Variants in SEMA6A observed in about 807,000 individuals in gnomAD.
SEMA6A encodes the protein semaphorin 6A, also known as semaphorin-6A.
A neutral mutation model predicts 96.8 loss-of-function variants in SEMA6A; 25 were observed. That is an observed-to-expected ratio of 0.26 (90% CI 0.19 to 0.36). The LOEUF (loss-of-function observed/expected upper bound fraction) is 0.36, where lower values mean the gene tolerates loss of function less well. SEMA6A is among the 10% of genes least tolerant of loss of function. SEMA6A has a pLI of 1.00. For missense variants in SEMA6A, 1,363 were observed against 1,323.1 expected (o/e 1.03, Z -0.47); for synonymous variants, 612 against 518.0 (o/e 1.18, Z -2.46).
intron 16 of SEMA6A, among the ~76,000 whole-genome samples, chr5:116,473,885 C>G (rs1168970817): frequency 6.6e-6 from 1 of 152,156 alleles, no homozygotes; most frequent in Admixed American, 6.5e-5. Flanking sequence ...AGCAAGCACC[C>G]TTGGCAAGTG....
chr5:116,546,683 T>C (rs1440038117), intron 1 of SEMA6A, among the ~76,000 whole-genome samples: 2 of 152,172 alleles, frequency 1.3e-5, no homozygotes, highest in African/African-American at 4.8e-5. Flanking sequence ...GGGAGTTCTT[T>C]TGTGCAGCCA....
At chr5:116,526,288 C>G (rs548241845) in intron 1 of SEMA6A, among the ~76,000 whole-genome samples, 47 of 152,306 alleles carry the variant, frequency 3.1e-4, no homozygotes, top group African/African-American at 1.1e-3. Context: ...TTAAGACACT[C>G]TTCAAACATC....
chr5:116,513,224 T>G (rs192540499), intron 1 of SEMA6A, among the ~76,000 whole-genome samples: 1 of 152,012 alleles, frequency 6.6e-6, no homozygotes, highest in Non-Finnish European at 1.5e-5. Context: ...GCCTCCCAGG[T>G]TCAAGTGATT....
chr5:116,447,854 C>T, intron 18 of SEMA6A, 43 bp from the exon 19 acceptor site: 2 of 1,472,760 alleles, frequency 1.4e-6, no homozygotes, highest in Non-Finnish European at 9.1e-7. Flanking sequence ...TGAAAGCACA[C>T]CCCGAGGCTT....
chr5:116,484,636 TAATA>T (rs984943337), intron 10 of SEMA6A, among the ~76,000 whole-genome samples: 4 of 112,690 alleles, frequency 3.5e-5, no homozygotes, highest in Non-Finnish European at 6.0e-5. Flanking sequence ...AAAAAAAAAA[TAATA>T]ATAATAATAA....
intron 12 of SEMA6A, among the ~76,000 whole-genome samples, chr5:116,478,922 G>A (rs971721740): frequency 9.7e-6 from 1 of 103,016 alleles, no homozygotes; most frequent in African/African-American, 3.6e-5. Context: ...GGAAGGAGGT[G>A]TGAGAGAGTG....
intron 1 of SEMA6A, among the ~76,000 whole-genome samples, chr5:116,546,910 G>C (rs1309795666): frequency 6.6e-6 from 1 of 152,118 alleles, no homozygotes; most frequent in Non-Finnish European, 1.5e-5. Context: ...GCAAACACAG[G>C]CTTCAGCCTG....
chr5:116,563,592 G>A (rs1332124359), intron 1 of SEMA6A, among the ~76,000 whole-genome samples: 1 of 152,146 alleles, frequency 6.6e-6, no homozygotes, highest in Non-Finnish European at 1.5e-5. Context: ...GTATTTGACT[G>A]ACATCTACAC....
intron 18 of SEMA6A, among the ~76,000 whole-genome samples, chr5:116,465,980 C>T (rs1232341896): frequency 3.4e-5 from 5 of 148,776 alleles, no homozygotes; most frequent in Non-Finnish European, 7.4e-5. Context: ...GACAGTTTCT[C>T]TTCTACCTGG....
chr5:116,486,735 T>C lies in SEMA6A; in HGVS notation c.962+14A>G, dbSNP rs771336903. ...GAAGAATTGATGAGGTCAACACAGC[T>C]AGGGCATGATTACCTGTTATAAGGT... On this transcript the variant is annotated intron_variant, in intron 10 of 18. Coordinates refer to ENST00000343348, the MANE Select transcript of SEMA6A (RefSeq NM_020796.5). The C allele has an allele frequency of 1.2e-6, 2 of 1,607,358 alleles. No homozygotes were observed. Among genetic ancestry groups the C allele is most frequent in the South Asian group, 2.2e-5 (2 of 90,930 alleles).
At chr5:116,562,050 T>A (rs1352295956) in intron 1 of SEMA6A, among the ~76,000 whole-genome samples, 1 of 152,180 alleles carries the variant, frequency 6.6e-6, no homozygotes, top group African/African-American at 2.4e-5. Flanking sequence ...ACTTTTGACA[T>A]CTCCTCCTTG....
intron 1 of SEMA6A, among the ~76,000 whole-genome samples, chr5:116,514,204 C>G (rs911521329): frequency 1.3e-4 from 20 of 152,234 alleles, no homozygotes; most frequent in African/African-American, 4.6e-4. Context: ...TGAGCAATCA[C>G]TACACTGTCT....
intron 18 of SEMA6A, among the ~76,000 whole-genome samples, chr5:116,460,563 T>C (rs1356365441): frequency 6.6e-6 from 1 of 152,174 alleles, no homozygotes; most frequent in African/African-American, 2.4e-5. Flanking sequence ...GTTAAAAGTA[T>C]GTCCTATGCA....
At chr5:116,541,048 A>T (rs182375799) in intron 1 of SEMA6A, among the ~76,000 whole-genome samples, 17 of 152,324 alleles carry the variant, frequency 1.1e-4, no homozygotes, top group Admixed American at 9.8e-4. Context: ...ACTTGATACT[A>T]TTTGGAAGAA....
chr5:116,529,846 G>A (rs1028017756), intron 1 of SEMA6A, among the ~76,000 whole-genome samples: 4 of 152,176 alleles, frequency 2.6e-5, no homozygotes, highest in African/African-American at 4.8e-5. Context: ...GCTTGAGGGC[G>A]GGTTGGGGGA....
Position 116,501,893 on chromosome 5 carries a change from C to A in SEMA6A, c.218+317G>T, listed in dbSNP as rs76229030. 3.1e-3 allele frequency among the ~76,000 whole-genome samples: 477 copies of A among 152,130 alleles called. 1 individual carries two copies. The highest frequency in any genetic ancestry group is 0.01 in the African/African-American group (431 of 41,484). On this transcript the variant is annotated intron_variant, in intron 3 of 18. Transcript: ENST00000343348. ...CAAAGAACGAAAACTCCATCTCAAA[C>A]AAACAAACAGAGTATTAAGGAGCAG...
intron 1 of SEMA6A, among the ~76,000 whole-genome samples, chr5:116,567,992 A>G (rs1761079160): frequency 6.6e-6 from 1 of 152,230 alleles, no homozygotes; most frequent in South Asian, 2.1e-4. Flanking sequence ...TAGGTGTTCT[A>G]ATTAATAAAG....
At position 116,447,716 on chromosome 5, in the gene SEMA6A, C is replaced by T. The variant is rs375184771; in HGVS notation, c.1990G>A (p.Val664Ile). 1.2e-4 allele frequency: 199 copies of T among 1,613,908 alleles called. 2 individuals are homozygous for T. Among genetic ancestry groups the T allele is most frequent in the Non-Finnish European group, 1.6e-4 (191 of 1,179,826 alleles). Residue 664 changes from valine (V) to isoleucine (I), a missense_variant, in exon 19 of 19, where the codon GTC becomes ATC. By Grantham distance (29) the Val-to-Ile change is conservative. Coordinates refer to ENST00000343348, the MANE Select transcript of SEMA6A (RefSeq NM_020796.5). ...CAGTAGACGGTGATGCCCGAGAAGACGGCCCCCATGACGAAAGCCAGGATG... is the reference window on the plus strand; with the variant it reads ...CAGTAGACGGTGATGCCCGAGAAGATGGCCCCCATGACGAAAGCCAGGATG... ...AVILAFVMGA[V>I]FSGITVYCVC... is the part of the protein sequence containing the mutation.
chr5:116,498,411 A>G (rs1477170890), intron 3 of SEMA6A: 1 of 152,124 alleles, frequency 6.6e-6, no homozygotes, highest in Non-Finnish European at 1.5e-5. Context: ...ACATATACAT[A>G]TATATAATTT....
Sources: gnomAD v4.1 joint callset for allele counts (sites outside exome capture counted in the v4.1 genomes callset) on GRCh38, gnomAD v4.1.1 for gene constraint, MANE v1.5 for transcripts, NCBI Gene and HGNC (gene_info 2026-07-23, HGNC 2026-07-21) for gene names.